Variants in KCNN2 observed in about 807,000 individuals in gnomAD.
The protein encoded by KCNN2 is small conductance calcium-activated potassium channel protein 2.
A neutral mutation model predicts 55.5 loss-of-function variants in KCNN2; 24 were observed. The observed-to-expected ratio is 0.43, with a 90% confidence interval of 0.31 to 0.61. KCNN2 has a LOEUF of 0.61. KCNN2 is among the 20% of genes least tolerant of loss of function. The pLI is 0.08. For synonymous variants in KCNN2, 431 were observed against 336.1 expected (o/e 1.28, Z -3.09); for missense variants, 754 against 853.6 (o/e 0.88, Z 1.45).
At chr5:114,159,511 G>A (rs1231902433) in intron 1 of KCNN2, among the ~76,000 whole-genome samples, 4 of 152,106 alleles carry the variant, frequency 2.6e-5, no homozygotes, top group South Asian at 4.1e-4. Context: ...GATGATGCTG[G>A]CCTCATAAAA....
intron 1 of KCNN2, among the ~76,000 whole-genome samples, chr5:114,150,533 C>T (rs775328541): frequency 5.3e-5 from 8 of 152,172 alleles, no homozygotes; most frequent in Non-Finnish European, 1.0e-4. Context: ...TCCCCACATT[C>T]CCTGAGCTGA....
At chr5:114,480,396 C>G (rs541112798) in intron 5 of KCNN2, among the ~76,000 whole-genome samples, 1 of 152,176 alleles carries the variant, frequency 6.6e-6, no homozygotes, top group African/African-American at 2.4e-5. Flanking sequence ...AACCCAGGAA[C>G]AGATACATTC....
chr5:114,122,776 A>G (rs1751850993), intron 1 of KCNN2, among the ~76,000 whole-genome samples: 1 of 152,252 alleles, frequency 6.6e-6, no homozygotes, highest in Admixed American at 6.5e-5. Flanking sequence ...TGAGGGATAG[A>G]GAGAGCAGGA....
At chr5:114,495,689 C>T (rs1015610530) in intron 7 of KCNN2, among the ~76,000 whole-genome samples, 1 of 152,166 alleles carries the variant, frequency 6.6e-6, no homozygotes, top group Non-Finnish European at 1.5e-5. Context: ...TTTTCTGCAA[C>T]TGAACCAAAG....
chr5:114,283,283 A>T (rs1755660894), intron 2 of KCNN2, among the ~76,000 whole-genome samples: 1 of 152,040 alleles, frequency 6.6e-6, no homozygotes, highest in Non-Finnish European at 1.5e-5. Flanking sequence ...TCTTCTGATA[A>T]ATCATCTAGT....
intron 2 of KCNN2, among the ~76,000 whole-genome samples, chr5:114,276,398 C>T (rs1755487958): frequency 6.6e-6 from 1 of 152,048 alleles, no homozygotes; most frequent in African/African-American, 2.4e-5. Context: ...AAGTTTCTGT[C>T]CCATTGGTGT....
intron 1 of KCNN2, among the ~76,000 whole-genome samples, chr5:114,142,212 T>A (rs998090530): frequency 2.0e-5 from 3 of 152,210 alleles, no homozygotes; most frequent in Admixed American, 1.3e-4. Flanking sequence ...TGTCCATGCC[T>A]ATGTCCTGAA....
chr5:114,243,827 A>C (rs1179269043), intron 2 of KCNN2, among the ~76,000 whole-genome samples: 1 of 152,210 alleles, frequency 6.6e-6, no homozygotes, highest in Non-Finnish European at 1.5e-5. Flanking sequence ...TATGTTACAG[A>C]ACACCAAAGC....
At chr5:114,449,878 A>G (rs960518245) in intron 3 of KCNN2, among the ~76,000 whole-genome samples, 14 of 39,920 alleles carry the variant, frequency 3.5e-4, no homozygotes, top group African/African-American at 6.5e-4. Context: ...GCATCCAAAC[A>G]TACACACACA....
intron 1 of KCNN2, among the ~76,000 whole-genome samples, chr5:114,171,761 A>T (rs1409414566): frequency 1.3e-5 from 2 of 151,060 alleles, no homozygotes; most frequent in African/African-American, 4.9e-5. Context: ...GAATACCCTG[A>T]GGGCTACTCA....
In KCNN2 at chr5:114,288,273, A is replaced by C. The variant is rs1034605280; in HGVS notation, c.-185+66708A>C. 3.9e-5 allele frequency among the ~76,000 whole-genome samples: 6 copies of C among 152,270 alleles called. No homozygotes were observed. In the South Asian group the frequency reaches 1.2e-3, roughly 32 times the overall value. The stretch of plus-strand genomic sequence containing the variant: ...TGTTTCTACATTTTTGCTATTGCAG[A>C]TAGTCCTGTTGTAAACAAGTGTTTA... On this transcript the variant is annotated intron_variant, in intron 2 of 10. Coordinates refer to the KCNN2 transcript ENST00000512097.
At chr5:114,208,064 G>A (rs1753810293) in intron 1 of KCNN2, among the ~76,000 whole-genome samples, 2 of 152,160 alleles carry the variant, frequency 1.3e-5, no homozygotes. Context: ...TTGAGTCTCT[G>A]CATATTAGCA....
Position 114,354,487 on chromosome 5 carries a change from A to G in KCNN2, c.-184-6458A>G, listed in dbSNP as rs369217263. 2.0e-5 allele frequency among the ~76,000 whole-genome samples: 3 copies of G among 152,252 alleles called. No homozygotes were observed. In the East Asian group the frequency reaches 5.8e-4, roughly 29 times the overall value. ...AACTGCTACAGCTCTTTTTGCTACCATGAGGTAAGTTAACCTGAGGATTAA... is the reference window on the plus strand; with the variant it reads ...AACTGCTACAGCTCTTTTTGCTACCGTGAGGTAAGTTAACCTGAGGATTAA... On this transcript the variant is annotated intron_variant, in intron 2 of 10. Transcript: ENST00000512097.
In KCNN2 at chr5:114,362,422, C is replaced by T. The variant is rs905862348; in HGVS notation, c.283C>T (p.Pro95Ser). The T allele has an allele frequency of 9.0e-6, 3 of 334,478 alleles. No homozygotes were observed. The highest frequency in any genetic ancestry group is 1.1e-5 in the Non-Finnish European group (2 of 184,110). 20.7% of individuals were successfully genotyped at this position (334,478 alleles called of 1,614,324 possible). ...GTCCCTGCTGCTCCGCACCTCCTCG[C>T]CCGGCGGCGCCTTCCGGACCCGCAC... ...NLSLLLRTSS[P>S]GGAFRTRTSS... is the part of the protein sequence containing the mutation. The change falls in exon 1 of 8, where the codon CCC becomes TCC. Residue 95 changes from proline (P) to serine (S), a missense_variant. Coordinates refer to ENST00000673685, the MANE Select transcript of KCNN2 (RefSeq NM_021614.4).
chr5:114,393,675 A>G (rs898229864), intron 2 of KCNN2, among the ~76,000 whole-genome samples: 2 of 152,012 alleles, frequency 1.3e-5, no homozygotes, highest in African/African-American at 2.4e-5. Context: ...GACTTTTATC[A>G]TTAATTTCTG....
intron 2 of KCNN2, among the ~76,000 whole-genome samples, chr5:114,371,806 C>T (rs1395147310): frequency 2.0e-5 from 3 of 152,182 alleles, no homozygotes; most frequent in Admixed American, 2.0e-4. Flanking sequence ...TGAATTTCCT[C>T]TTCAAATGAG....
At chr5:114,278,555 C>T (rs1370956781) in intron 2 of KCNN2, among the ~76,000 whole-genome samples, 6 of 152,246 alleles carry the variant, frequency 3.9e-5, no homozygotes, top group South Asian at 4.1e-4. Context: ...CATAGAACCA[C>T]CTACTTAAGC....
intron 5 of KCNN2, among the ~76,000 whole-genome samples, chr5:114,476,669 C>T (rs1428755917): frequency 6.6e-6 from 1 of 152,096 alleles, no homozygotes; most frequent in African/African-American, 2.4e-5. Flanking sequence ...GATCCGCCTG[C>T]CTTAGCCTCC....
At chr5:114,279,286 A>G (rs1755567079) in intron 2 of KCNN2, among the ~76,000 whole-genome samples, 1 of 151,838 alleles carries the variant, frequency 6.6e-6, no homozygotes, top group African/African-American at 2.4e-5. Flanking sequence ...CTACTCCTTA[A>G]TCAAGTCACT....
Sources: gnomAD v4.1 joint callset for allele counts (sites outside exome capture counted in the v4.1 genomes callset) on GRCh38, gnomAD v4.1.1 for gene constraint, MANE v1.5 for transcripts, NCBI Gene and HGNC (gene_info 2026-07-23, HGNC 2026-07-21) for gene names.